The following ARHGAP42 variants were observed in gnomAD, a reference collection of about 807,000 sequenced individuals.
ARHGAP42 encodes the protein Rho GTPase activating protein 42.
ARHGAP42 carries 63 observed loss-of-function variants against 125.0 expected under a neutral mutation model. The ratio of observed to expected loss-of-function variants is 0.50; its 90% CI spans 0.41 to 0.62. The LOEUF is 0.62. ARHGAP42 is among the 20% of genes least tolerant of loss of function. The pLI is 0.00. For synonymous variants in ARHGAP42, 339 were observed against 351.0 expected (o/e 0.97, Z 0.38); for missense variants, 766 against 1,024.2 (o/e 0.75, Z 3.44).
At chr11:100,888,867 G>A (rs532745473) in intron 4 of ARHGAP42, among the ~76,000 whole-genome samples, 1 of 152,270 alleles carries the variant, frequency 6.6e-6, no homozygotes, top group South Asian at 2.1e-4. Context: ...GTTAGAATCT[G>A]TTGGGTGTAA....
chr11:100,698,663 CAA>C (rs1362788845), intron 1 of ARHGAP42, among the ~76,000 whole-genome samples: 2 of 151,904 alleles, frequency 1.3e-5, no homozygotes, highest in African/African-American at 4.8e-5. Flanking sequence ...ACAATGTACT[CAA>C]GAGTGGAACT....
At chr11:100,848,366 C>T (rs1865120895) in intron 3 of ARHGAP42, among the ~76,000 whole-genome samples, 1 of 152,024 alleles carries the variant, frequency 6.6e-6, no homozygotes. Flanking sequence ...ATGTGATTAT[C>T]GACATTATGT....
chr11:100,838,909 T>G (rs2135108399), intron 3 of ARHGAP42, among the ~76,000 whole-genome samples: 1 of 152,278 alleles, frequency 6.6e-6, no homozygotes, highest in East Asian at 1.9e-4. Flanking sequence ...TTTCTATTAT[T>G]TAGCCTTGCA....
At chr11:100,770,291 G>T in intron 1 of ARHGAP42, 52 bp from the exon 2 acceptor site, 1 of 1,199,158 alleles carries the variant, frequency 8.3e-7, no homozygotes, top group South Asian at 1.6e-5. Flanking sequence ...AAACTCATTC[G>T]GATTCAGTGG....
intron 3 of ARHGAP42, among the ~76,000 whole-genome samples, chr11:100,809,966 A>G (rs1392833092): frequency 1.3e-5 from 2 of 152,154 alleles, no homozygotes; most frequent in Non-Finnish European, 1.5e-5. Context: ...AGCCAGAGGC[A>G]TAAAAATCTA....
chr11:100,697,430 C>T (rs1861305544), intron 1 of ARHGAP42, among the ~76,000 whole-genome samples: 1 of 152,182 alleles, frequency 6.6e-6, no homozygotes, highest in Admixed American at 6.5e-5. Flanking sequence ...GATCCGCCCG[C>T]CTCGGCCTCC....
chr11:100,853,231 T>C (rs139703938), intron 3 of ARHGAP42, among the ~76,000 whole-genome samples: 1 of 152,298 alleles, frequency 6.6e-6, no homozygotes, highest in Non-Finnish European at 1.5e-5. Context: ...ACCTTTCACA[T>C]ATCTTGATAT....
chr11:100,723,592 T>C (rs1270551155), intron 1 of ARHGAP42, among the ~76,000 whole-genome samples: 1 of 152,168 alleles, frequency 6.6e-6, no homozygotes, highest in Non-Finnish European at 1.5e-5. Flanking sequence ...ATTTCTGATA[T>C]AGGAAAGACA....
intron 4 of ARHGAP42, among the ~76,000 whole-genome samples, chr11:100,896,498 T>C (rs547023964): frequency 3.6e-4 from 55 of 152,268 alleles, no homozygotes; most frequent in African/African-American, 1.3e-3. Context: ...CTGTCCAGGA[T>C]CTGTTGTTTC....
At chr11:100,865,368 G>C (rs1865545213) in intron 4 of ARHGAP42, among the ~76,000 whole-genome samples, 1 of 152,142 alleles carries the variant, frequency 6.6e-6, no homozygotes, top group African/African-American at 2.4e-5. Context: ...AAATGGCTTA[G>C]AGAATTTAAG....
chr11:100,744,934 C>T (rs2120351582), intron 1 of ARHGAP42, among the ~76,000 whole-genome samples: 1 of 152,316 alleles, frequency 6.6e-6, no homozygotes, highest in Non-Finnish European at 1.5e-5. Context: ...GTTCTTATTC[C>T]TGGCGCACGT....
At chr11:100,802,791 CT>C (rs1261236957) in intron 3 of ARHGAP42, among the ~76,000 whole-genome samples, 2 of 152,228 alleles carry the variant, frequency 1.3e-5, no homozygotes, top group Admixed American at 1.3e-4. Context: ...TTCTATTCCT[CT>C]TTGTGTGTCA....
chr11:100,931,942 G>A (rs543277732), intron 6 of ARHGAP42, among the ~76,000 whole-genome samples: 8 of 152,216 alleles, frequency 5.3e-5, no homozygotes, highest in African/African-American at 1.7e-4. Context: ...AACTGACAGT[G>A]TAAAATAATT....
intron 8 of ARHGAP42, among the ~76,000 whole-genome samples, chr11:100,939,572 G>C (rs58246877): frequency 0.01 from 1,525 of 152,156 alleles, 23 homozygotes; most frequent in African/African-American, 0.034. Flanking sequence ...GATAAAATAT[G>C]GGCACTTAGT....
chr11:100,976,781 G>A (rs1170980415), intron 20 of ARHGAP42, 34 bp from the exon 21 acceptor site: 20 of 1,547,668 alleles, frequency 1.3e-5, no homozygotes, highest in Non-Finnish European at 1.7e-5. Context: ...TTGTCTAATA[G>A]CACCTTGCCT....
intron 1 of ARHGAP42, among the ~76,000 whole-genome samples, chr11:100,698,379 G>A (rs987954610): frequency 1.3e-5 from 2 of 152,204 alleles, no homozygotes; most frequent in Admixed American, 6.5e-5. Flanking sequence ...GCTGAGGCAA[G>A]AGGATCACTT....
intron 1 of ARHGAP42, among the ~76,000 whole-genome samples, chr11:100,753,370 G>A (rs192534175): frequency 6.6e-6 from 1 of 152,110 alleles, no homozygotes; most frequent in Admixed American, 6.5e-5. Flanking sequence ...GCTCAATACT[G>A]CCCCAGGCCG....
chr11:100,888,426 A>G (rs566006022), intron 4 of ARHGAP42, among the ~76,000 whole-genome samples: 122 of 152,212 alleles, frequency 8.0e-4, no homozygotes, highest in African/African-American at 2.8e-3. Context: ...GTTGACCTAA[A>G]ACAAAGTGGG....
rs542193246 is a variant in ARHGAP42, at chr11:100,975,916, G to A, written c.1856-141G>A. 55 of 859,516 alleles carry A rather than the reference G, an allele frequency of 6.4e-5. No individual in the cohort carries two copies. In the Admixed American group the frequency reaches 7.9e-4, roughly 12 times the overall value. The allele number at this position is 859,516 out of a possible 1,614,324, so 53.2% of individuals were successfully genotyped here. ...TCTCCAGTACTGAGGACAGTTCTCC[G>A]TACTAGGTAGGGGCCTACCACTTTA... On this transcript the variant is annotated intron_variant, in intron 19 of 23. Transcript: ENST00000298815.
Sources: allele counts gnomAD v4.1 joint callset (sites outside exome capture counted in the v4.1 genomes callset), GRCh38; gene constraint gnomAD v4.1.1; transcripts MANE v1.5; gene names NCBI Gene and HGNC (gene_info 2026-07-23, HGNC 2026-07-21).